ABAT: variants seen among roughly 807,000 people sequenced by gnomAD.
ABAT encodes 4-aminobutyrate aminotransferase, mitochondrial.
ABAT carries 45 observed loss-of-function variants against 64.6 expected under a neutral mutation model. The ratio of observed to expected loss-of-function variants is 0.70; its 90% CI spans 0.55 to 0.89. The LOEUF is 0.89. ABAT is among the 40% of genes least tolerant of loss of function. The pLI, the probability that ABAT is intolerant of heterozygous loss-of-function variation, is 0.00. For synonymous variants in ABAT, 297 were observed against 250.5 expected (o/e 1.19, Z -1.75); for missense variants, 633 against 658.4 (o/e 0.96, Z 0.42).
In ABAT at chr16:8,776,641, C is replaced by T; in HGVS notation, c.1269+151C>T. ...TGCTCCTAGCCTTGGGGGCTTTGCA[C>T]ATGCTGTGTCCTCTGCAGGGGATGC... On this transcript the variant is annotated intron_variant, in intron 14 of 15. Coordinates refer to ENST00000268251, the MANE Select transcript of ABAT (RefSeq NM_020686.6). The surrounding 1 kb of genome is among the most constrained non-coding windows in gnomAD (Gnocchi z 4.4). 1.2e-6 allele frequency: 1 copy of T among 824,240 alleles called. No homozygotes were observed. The highest frequency in any genetic ancestry group is 2.0e-6 in the Non-Finnish European group (1 of 508,964). 51.1% of individuals were successfully genotyped at this position (824,240 alleles called of 1,614,324 possible).
At chr16:8,719,787 A>G (rs2058314843) in intron 1 of ABAT, among the ~76,000 whole-genome samples, 1 of 152,180 alleles carries the variant, frequency 6.6e-6, no homozygotes, top group African/African-American at 2.4e-5. Flanking sequence ...GAAGGAAAAA[A>G]AGAAGTTGTT....
intron 1 of ABAT, among the ~76,000 whole-genome samples, chr16:8,712,459 A>G (rs139820030): frequency 1.5e-3 from 232 of 152,314 alleles, no homozygotes; most frequent in Non-Finnish European, 2.5e-3. Flanking sequence ...TTTGCTGTGC[A>G]TTGGAAAGTT....
At chr16:8,714,072 T>C (rs2058143814) in intron 1 of ABAT, among the ~76,000 whole-genome samples, 1 of 152,078 alleles carries the variant, frequency 6.6e-6, no homozygotes, top group African/African-American at 2.4e-5. Context: ...CAAATGTACT[T>C]AACAGATTTT....
At chr16:8,753,845 A>G (rs1451527925) in intron 5 of ABAT, among the ~76,000 whole-genome samples, 2 of 152,104 alleles carry the variant, frequency 1.3e-5, no homozygotes, top group Admixed American at 1.3e-4. Context: ...TGGAACCCCA[A>G]GGCATTTCAA....
At chr16:8,691,320 G>A (rs1380790715) in intron 1 of ABAT, among the ~76,000 whole-genome samples, 1 of 152,180 alleles carries the variant, frequency 6.6e-6, no homozygotes, top group African/African-American at 2.4e-5. Flanking sequence ...AGGGAGTTGG[G>A]ATTTGAACCC....
In ABAT at chr16:8,763,961, C is replaced by T. The variant is rs1050916920; in HGVS notation, c.367-108C>T. ...CTGACAGAACGTCATCATCCTGCAA[C>T]CCCATTTGGAGGCTATTTGAACACA... On this transcript the variant is annotated intron_variant, in intron 6 of 15. Coordinates refer to ENST00000268251, the MANE Select transcript of ABAT (RefSeq NM_020686.6). 1.9e-5 allele frequency: 17 copies of T among 918,054 alleles called. No individual in the cohort carries two copies. The East Asian group carries it at 3.6e-4, about 20-fold the overall frequency. 56.9% of individuals were successfully genotyped at this position (918,054 alleles called of 1,614,324 possible).
chr16:8,767,155 G>C (rs1292224231), intron 9 of ABAT, among the ~76,000 whole-genome samples: 6 of 152,202 alleles, frequency 3.9e-5, no homozygotes, highest in Non-Finnish European at 7.3e-5. Flanking sequence ...GCCTGAATCA[G>C]CTGGAAACAT....
chr16:8,705,019 C>T (rs1171490923), intron 1 of ABAT, among the ~76,000 whole-genome samples: 2 of 152,084 alleles, frequency 1.3e-5, no homozygotes, highest in Non-Finnish European at 1.5e-5. Context: ...GAGCATAGAA[C>T]TATTCCTTCA....
Position 8,763,920 on chromosome 16 carries a change from C to T in ABAT, c.367-149C>T, listed in dbSNP as rs188397833. ...GGATTTCTCTAAAGGTTTAAGGAAACCGGCCATGCCCCACGCTGACAGAAC... is the reference window on the plus strand; with the variant it reads ...GGATTTCTCTAAAGGTTTAAGGAAATCGGCCATGCCCCACGCTGACAGAAC... On this transcript the variant is annotated intron_variant, in intron 6 of 15. Transcript: ENST00000268251. 84 of 716,990 alleles carry T rather than the reference C, an allele frequency of 1.2e-4. No homozygotes were observed. The African/African-American group carries it at 1.3e-3, about 11-fold the overall frequency. The allele number at this position is 716,990 out of a possible 1,614,324, so 44.4% of individuals were successfully genotyped here.
At chr16:8,692,658 G>T (rs2057610445) in intron 1 of ABAT, among the ~76,000 whole-genome samples, 1 of 152,022 alleles carries the variant, frequency 6.6e-6, no homozygotes, top group Non-Finnish European at 1.5e-5. Context: ...CTTTGCTGCT[G>T]AACATGGTAT....
intron 15 of ABAT, among the ~76,000 whole-genome samples, chr16:8,779,962 G>A (rs866557783): frequency 1.3e-5 from 2 of 152,166 alleles, no homozygotes; most frequent in African/African-American, 4.8e-5. Context: ...AGGAGAAAAC[G>A]CAGCTAAGAG....
At chr16:8,760,616 T>A (rs1222061053) in intron 6 of ABAT, among the ~76,000 whole-genome samples, 1 of 152,246 alleles carries the variant, frequency 6.6e-6, no homozygotes, top group Non-Finnish European at 1.5e-5. Flanking sequence ...GGCTCCCGAA[T>A]GTGTTTACAT....
intron 2 of ABAT, among the ~76,000 whole-genome samples, chr16:8,740,178 GC>G (rs1263715280): frequency 1.3e-5 from 2 of 152,282 alleles, no homozygotes; most frequent in East Asian, 1.9e-4. Context: ...TTTGAGCTAA[GC>G]CCAGTTGGCT....
At chr16:8,775,640 G>T (rs142860330) in intron 13 of ABAT, among the ~76,000 whole-genome samples, 1 of 152,052 alleles carries the variant, frequency 6.6e-6, no homozygotes, top group Non-Finnish European at 1.5e-5. Context: ...TACCCTCAAG[G>T]TTGCCTCATG....
rs1381538550 is a variant in ABAT, at chr16:8,737,967, AGGAAGGAAGGAAGGAAGGAAGGAG to A, written c.70+2160_70+2183del. On this transcript the variant is annotated intron_variant, in intron 2 of 15. Coordinates refer to ENST00000268251, the MANE Select transcript of ABAT (RefSeq NM_020686.6). ...AAGGAAGAAAGGAAGGAAGGAAGGAAGGAAGGAAGGAAGGAAGGAAGGAGGAAAGAAAGAAAGAAAGAAAGAAAG... is the reference window on the plus strand; with the variant it reads ...AAGGAAGAAAGGAAGGAAGGAAGGAAGAAAGAAAGAAAGAAAGAAAGAAAG... Among the ~76,000 whole-genome samples, 185 of 64,480 alleles carry A rather than the reference AGGAAGGAAGGAAGGAAGGAAGGAG, an allele frequency of 2.9e-3. 27 individuals are homozygous for A. The highest frequency in any genetic ancestry group is 0.014 in the East Asian group (28 of 2,052). The allele number at this position is 64,480 out of a possible 152,430, so 42.3% of individuals were successfully genotyped here.
intron 1 of ABAT, chr16:8,731,451 C>T (rs991331098): frequency 6.6e-6 from 1 of 152,160 alleles, no homozygotes; most frequent in Non-Finnish European, 1.5e-5. Context: ...CCACAGCAAA[C>T]TTATAGAGAG....
chr16:8,779,627 A>C, intron 15 of ABAT, 37 bp downstream of exon 15: 1 of 1,544,058 alleles, frequency 6.5e-7, no homozygotes. Context: ...TTTCATGAGC[A>C]TCCAGTATCT....
chr16:8,758,950 C>T (rs2059720652), intron 6 of ABAT, among the ~76,000 whole-genome samples: 1 of 151,824 alleles, frequency 6.6e-6, no homozygotes, highest in Non-Finnish European at 1.5e-5. Context: ...AAAAATACAA[C>T]AGTTAGCCAG....
intron 1 of ABAT, chr16:8,731,444 C>G (rs1349117724): frequency 1.3e-5 from 2 of 152,150 alleles, no homozygotes; most frequent in Admixed American, 6.5e-5. Flanking sequence ...GGTTCAGCCA[C>G]AGCAAACTTA....
Sources: allele counts gnomAD v4.1 joint callset (sites outside exome capture counted in the v4.1 genomes callset), GRCh38; gene constraint gnomAD v4.1.1; non-coding constraint Gnocchi (gnomAD v3.1); transcripts MANE v1.5; gene names NCBI Gene and HGNC (gene_info 2026-07-23, HGNC 2026-07-21).